GREB1: variants seen among roughly 807,000 people sequenced by gnomAD.
GREB1 encodes the protein protein GREB1.
In GREB1, 106 loss-of-function variants were observed where a neutral mutation model predicts 200.7. That is an observed-to-expected ratio of 0.53 (90% CI 0.45 to 0.62). GREB1 has a LOEUF of 0.62. GREB1 is among the 20% of genes least tolerant of loss of function. The pLI is 0.00. For synonymous variants in GREB1, 1,132 were observed against 1,092.4 expected (o/e 1.04, Z -0.72); for missense variants, 2,243 against 2,556.8 (o/e 0.88, Z 2.65).
chr2:11,510,522 C>T (rs574068571), intron 1 of GREB1, among the ~76,000 whole-genome samples: 26 of 152,016 alleles, frequency 1.7e-4, no homozygotes, highest in Non-Finnish European at 2.6e-4. Context: ...TCCTAATCAA[C>T]GATTTGGTTA....
In GREB1 at chr2:11,620,957, T is replaced by G; in HGVS notation, c.4097T>G (p.Leu1366Arg). The change falls in exon 23 of 33, where the codon CTT (leucine) becomes CGT (arginine). Residue 1366 changes from leucine (L) to arginine (R), a missense_variant. Leu to Arg is a moderately radical substitution (Grantham distance 102, BLOSUM62 -2). Around this residue, in one of 3 missense-constraint regions of GREB1, gnomAD observed 587 missense variants for 553.1 expected, o/e 1.06. Transcript: ENST00000381486. ...LQFLSVLSRM[L>R]VRLTEVDVYD... Reference sequence around the variant, plus strand: ...TTCCTCAGTGTCCTGTCCAGGATGCTTGTTCGGCTCACAGAAGTGGATGTC... The same window carrying G: ...TTCCTCAGTGTCCTGTCCAGGATGCGTGTTCGGCTCACAGAAGTGGATGTC... 1 of 1,613,258 alleles carries G rather than the reference T, an allele frequency of 6.2e-7. No homozygotes were observed. The highest frequency in any genetic ancestry group is 1.1e-5 in the South Asian group (1 of 91,082).
At chr2:11,521,057 G>A (rs752422307) in intron 1 of GREB1, among the ~76,000 whole-genome samples, 6 of 152,156 alleles carry the variant, frequency 3.9e-5, no homozygotes, top group Non-Finnish European at 8.8e-5. Flanking sequence ...GGCATGTATA[G>A]GCAACTCAGC....
In GREB1 at chr2:11,582,675, C is replaced by T. The variant is rs565031138; in HGVS notation, c.901+1843C>T. Among the ~76,000 whole-genome samples the T allele has an allele frequency of 7.2e-5, 11 of 152,334 alleles. No individual in the cohort carries two copies. In the South Asian group the frequency reaches 2.1e-3, roughly 29 times the overall value. ...GCCTTGGTCATGTGCATCTTGGAGCCGCTGGTACCAGCTGCTGGGGAGCTC... is the reference window on the plus strand; with the variant it reads ...GCCTTGGTCATGTGCATCTTGGAGCTGCTGGTACCAGCTGCTGGGGAGCTC... On this transcript the variant is annotated intron_variant, in intron 7 of 32. Transcript: ENST00000381486.
chr2:11,640,670 A>C lies in GREB1; in HGVS notation c.*216A>C. 1 of 563,228 alleles carries C rather than the reference A, an allele frequency of 1.8e-6. No individual in the cohort carries two copies. Among genetic ancestry groups the C allele is most frequent in the East Asian group, 3.1e-5 (1 of 32,408 alleles). The allele number at this position is 563,228 out of a possible 1,614,324, so 34.9% of individuals were successfully genotyped here. The stretch of plus-strand genomic sequence containing the variant: ...TGAGAATGAAAACTTGAGACTCCCA[A>C]GTTCTGGGCCAGCCCATTGCTCTGG... On this transcript the variant is annotated 3_prime_UTR_variant, in exon 33 of 33. Transcript: ENST00000381486. The surrounding 1 kb of genome is among the most constrained non-coding windows in gnomAD (Gnocchi z 4.6).
intron 15 of GREB1, 125 bp from the exon 16 acceptor site, chr2:11,600,675 G>A: frequency 1.3e-6 from 1 of 761,058 alleles, no homozygotes; most frequent in Non-Finnish European, 2.3e-6. Context: ...TTAGTCAGGG[G>A]CAGAGCCATA....
chr2:11,596,635 G>A (rs1374141767), intron 13 of GREB1, among the ~76,000 whole-genome samples: 4 of 107,856 alleles, frequency 3.7e-5, no homozygotes, highest in Admixed American at 2.8e-4. Context: ...AGGGGGCGGG[G>A]CTGCAGGTGT....
At chr2:11,553,933 G>T (rs1446039893) in intron 1 of GREB1, among the ~76,000 whole-genome samples, 1 of 119,226 alleles carries the variant, frequency 8.4e-6, no homozygotes, top group Non-Finnish European at 1.8e-5. Flanking sequence ...CCACCTTAAA[G>T]CTTCTTCCTG....
chr2:11,569,922 G>A (rs1678088501), intron 4 of GREB1, among the ~76,000 whole-genome samples: 1 of 152,100 alleles, frequency 6.6e-6, no homozygotes, highest in Non-Finnish European at 1.5e-5. Context: ...TGGAAAAGGA[G>A]CTATTTTCAA....
At chr2:11,577,114 T>C (rs1678944484) in intron 5 of GREB1, among the ~76,000 whole-genome samples, 1 of 151,860 alleles carries the variant, frequency 6.6e-6, no homozygotes, top group Admixed American at 6.6e-5. Flanking sequence ...ATGGCAAGTA[T>C]TTGGGGCAGT....
In GREB1 at chr2:11,629,917, G is replaced by A. The variant is rs762538589; in HGVS notation, c.4450-31G>A. 17 of 1,607,524 alleles carry A rather than the reference G, an allele frequency of 1.1e-5. No homozygotes were observed. The highest frequency in any genetic ancestry group is 1.7e-4 in the Middle Eastern group (1 of 6,016). The stretch of plus-strand genomic sequence containing the variant: ...TCTGGGAAGCAGGCCGGACTCTGAC[G>A]GCAAGCTCTGTCCTTTCCCCCACAC... On this transcript the variant is annotated intron_variant, in intron 25 of 32. Transcript: ENST00000381486. The surrounding 1 kb of genome is among the most constrained non-coding windows in gnomAD (Gnocchi z 5.2).
intron 19 of GREB1, among the ~76,000 whole-genome samples, chr2:11,614,046 G>A (rs2148326834): frequency 6.6e-6 from 1 of 152,034 alleles, no homozygotes; most frequent in Middle Eastern, 3.4e-3. Flanking sequence ...CTAGCATCTA[G>A]TACCCTGGCC....
At chr2:11,579,856 G>A (rs576759736) in intron 6 of GREB1, among the ~76,000 whole-genome samples, 40 of 152,154 alleles carry the variant, frequency 2.6e-4, no homozygotes, top group Non-Finnish European at 2.5e-4. Context: ...AACAGCCTGC[G>A]CCCAGGTAGC....
At chr2:11,568,065 A>G (rs990417607) in intron 4 of GREB1, among the ~76,000 whole-genome samples, 1 of 152,230 alleles carries the variant, frequency 6.6e-6, no homozygotes, top group Non-Finnish European at 1.5e-5. Context: ...ATGTAGCCTC[A>G]GGAACGGTCT....
In GREB1 at chr2:11,640,699, GT is replaced by G; in HGVS notation, c.*249del. 4.2e-6 allele frequency: 2 copies of G among 481,300 alleles called. No individual in the cohort carries two copies. The highest frequency in any genetic ancestry group is 7.5e-5 in the East Asian group (2 of 26,706). 29.8% of individuals were successfully genotyped at this position (481,300 alleles called of 1,614,324 possible). On this transcript the variant is annotated 3_prime_UTR_variant, in exon 33 of 33. Coordinates refer to ENST00000381486, the MANE Select transcript of GREB1 (RefSeq NM_014668.4). The surrounding 1 kb of genome is among the most constrained non-coding windows in gnomAD (Gnocchi z 4.6). ...CTGGGCCAGCCCATTGCTCTGGGCT[GT>G]TTTAAAGCCCATTTCACGAGGAACA...
Position 11,559,545 on chromosome 2 carries a change from C to A in GREB1, c.157+2774C>A, listed in dbSNP as rs374071186. On this transcript the variant is annotated intron_variant, in intron 2 of 32. Coordinates refer to ENST00000381486, the MANE Select transcript of GREB1 (RefSeq NM_014668.4). ...TTCCCGGGTGTGCCCTTGGCTGCGA[C>A]GGTGCGGGCCTTGGGGGCTGCTGGT... 2.0e-5 allele frequency among the ~76,000 whole-genome samples: 3 copies of A among 152,200 alleles called. No individual in the cohort carries two copies. The South Asian group carries it at 6.2e-4, about 32-fold the overall frequency.
chr2:11,565,092 C>T (rs1266723332), intron 3 of GREB1, among the ~76,000 whole-genome samples: 1 of 152,214 alleles, frequency 6.6e-6, no homozygotes, highest in Non-Finnish European at 1.5e-5. Flanking sequence ...TGGGTGGGGG[C>T]ACAGCCAGAC....
chr2:11,491,682 GTGT>G (rs1172523669), intron 1 of GREB1, among the ~76,000 whole-genome samples: 3 of 152,164 alleles, frequency 2.0e-5, no homozygotes, highest in Non-Finnish European at 2.9e-5. Flanking sequence ...TTCATGAAAA[GTGT>G]TCTTGGCATG....
chr2:11,558,273 T>C (rs1404915647), intron 2 of GREB1, among the ~76,000 whole-genome samples: 1 of 152,158 alleles, frequency 6.6e-6, no homozygotes, highest in Non-Finnish European at 1.5e-5. Context: ...AGAAAGCCCT[T>C]TGAGGATTCC....
intron 1 of GREB1, among the ~76,000 whole-genome samples, chr2:11,484,331 T>A (rs1269608753): frequency 6.6e-6 from 1 of 152,212 alleles, no homozygotes; most frequent in African/African-American, 2.4e-5. Flanking sequence ...TCTACAGGTC[T>A]TTTTTCATGC....
Sources: gnomAD v4.1 joint callset for allele counts (sites outside exome capture counted in the v4.1 genomes callset) on GRCh38, gnomAD v4.1.1 for gene constraint, gnomAD v4.1.1 regional missense constraint, Gnocchi (gnomAD v3.1) non-coding constraint, MANE v1.5 for transcripts, NCBI Gene and HGNC (gene_info 2026-07-23, HGNC 2026-07-21) for gene names.